The following POMP variants were observed in gnomAD, a reference collection of about 807,000 sequenced individuals.
POMP encodes the protein 2510048O06Rik.
A neutral mutation model predicts 20.6 loss-of-function variants in POMP; 12 were observed. The ratio of observed to expected loss-of-function variants is 0.58; its 90% CI spans 0.37 to 0.94. The LOEUF is 0.94. Ranked by LOEUF, POMP falls within the 40% of genes least tolerant of loss-of-function variation. POMP has a pLI of 0.01. For synonymous variants in POMP, 53 were observed against 55.0 expected (o/e 0.96, Z 0.16); for missense variants, 136 against 161.1 (o/e 0.84, Z 0.84).
At chr13:28,669,558 T>G (rs1366064580) in intron 4 of POMP, among the ~76,000 whole-genome samples, 1 of 152,082 alleles carries the variant, frequency 6.6e-6, no homozygotes, top group Non-Finnish European at 1.5e-5. Flanking sequence ...AAAATTATGA[T>G]TTGTAGAAAC....
intron 4 of POMP, among the ~76,000 whole-genome samples, chr13:28,672,074 G>A (rs543659535): frequency 6.0e-4 from 91 of 152,304 alleles, no homozygotes; most frequent in African/African-American, 2.0e-3. Flanking sequence ...GGTATATGCC[G>A]TAGTTTTCCT....
chr13:28,678,206 C>A lies in POMP; in HGVS notation c.*104C>A. ...TAAAAGTACTGACACCTGAGAATTT[C>A]TGCTCAAGTAGTATCAGTGATCATT... On this transcript the variant is annotated 3_prime_UTR_variant, in exon 6 of 6. Transcript: ENST00000380842. 8.6e-7 allele frequency: 1 copy of A among 1,159,264 alleles called. No homozygotes were observed. Among genetic ancestry groups the A allele is most frequent in the Non-Finnish European group, 1.3e-6 (1 of 773,612 alleles). The allele number at this position is 1,159,264 out of a possible 1,614,324, so 71.8% of individuals were successfully genotyped here. A position where few individuals can be genotyped will look rare whatever the true frequency, so the allele number is the denominator to read the frequency against.
chr13:28,668,533 G>A lies in POMP; in HGVS notation c.223G>A (p.Ala75Thr). ...STLRNIQGLF[A>T]PLKLQMEFKA... ...ACTGAGAAACATTCAGGGTCTATTT[G>A]CTCCGCTAAAATTACAGATGGAATT... The change falls in exon 4 of 6, where the codon GCT becomes ACT. Residue 75 changes from alanine (A) to threonine (T), a missense_variant. Physicochemically the swap from Ala to Thr is moderately conservative, Grantham distance 58 (BLOSUM62 0). Transcript: ENST00000380842. 6.2e-7 allele frequency: 1 copy of A among 1,612,972 alleles called. No homozygotes were observed. Among genetic ancestry groups the A allele is most frequent in the Non-Finnish European group, 8.5e-7 (1 of 1,179,038 alleles).
In POMP at chr13:28,659,179, C is replaced by T. The variant is rs777140811; in HGVS notation, c.-6C>T. 8.8e-6 allele frequency: 14 copies of T among 1,588,408 alleles called. No homozygotes were observed. Among genetic ancestry groups the T allele is most frequent in the South Asian group, 6.9e-5 (6 of 87,446 alleles). ...GGCAGAGAGGCTGTTCGCAGAGCTG[C>T]GGAAGATGGTGAGTGGGTACCCGGG... is the stretch of plus-strand genomic sequence containing the variant. On this transcript the variant is annotated 5_prime_UTR_variant, in exon 1 of 6. Coordinates refer to ENST00000380842, the MANE Select transcript of POMP (RefSeq NM_015932.6).
chr13:28,676,371 A>G (rs1286426199), intron 5 of POMP, among the ~76,000 whole-genome samples: 2 of 152,174 alleles, frequency 1.3e-5, no homozygotes, highest in Non-Finnish European at 2.9e-5. Context: ...TACCTAATCT[A>G]AAGTAATCCC....
chr13:28,663,314 T>G (rs2137790664), intron 2 of POMP, among the ~76,000 whole-genome samples: 1 of 152,288 alleles, frequency 6.6e-6, no homozygotes, highest in Admixed American at 6.5e-5. Context: ...TTTTTGTTTA[T>G]TTATTTATTT....
At chr13:28,660,764 T>C (rs778724500) in intron 1 of POMP, among the ~76,000 whole-genome samples, 4 of 152,184 alleles carry the variant, frequency 2.6e-5, no homozygotes, top group Non-Finnish European at 5.9e-5. Context: ...TGCAGGTTCT[T>C]TAGGTCCAGG....
intron 4 of POMP, among the ~76,000 whole-genome samples, chr13:28,669,900 GT>G (rs1266506051): frequency 1.3e-5 from 2 of 152,048 alleles, no homozygotes; most frequent in Non-Finnish European, 2.9e-5. Context: ...AAGCTCAGGT[GT>G]TCAAGACCAG....
chr13:28,671,449 CT>C (rs58068200), intron 4 of POMP, among the ~76,000 whole-genome samples: 21,592 of 144,712 alleles, frequency 0.15, 5,113 homozygotes, highest in African/African-American at 0.51. Flanking sequence ...AATTCTCTGT[CT>C]TTTTTTTTTT....
At chr13:28,659,522 TTC>T in intron 1 of POMP, among the ~76,000 whole-genome samples, 1 of 152,144 alleles carries the variant, frequency 6.6e-6, no homozygotes, top group Non-Finnish European at 1.5e-5. Flanking sequence ...AAGTGCAACG[TTC>T]TGTGGGGTGG....
intron 4 of POMP, among the ~76,000 whole-genome samples, chr13:28,671,363 T>G (rs1884542094): frequency 6.6e-6 from 1 of 152,162 alleles, no homozygotes; most frequent in Non-Finnish European, 1.5e-5. Flanking sequence ...TTCCTCTTAC[T>G]CAGATTTCAA....
At chr13:28,664,485 G>GTTT in intron 2 of POMP, 24 bp from the exon 3 acceptor site, 4 of 1,257,600 alleles carry the variant, frequency 3.2e-6, no homozygotes, top group Non-Finnish European at 3.3e-6. Flanking sequence ...TCCTCTAAAT[G>GTTT]TTTTTTTTTT....
chr13:28,668,692 T>G (rs1173665428), intron 4 of POMP, 118 bp downstream of exon 4: 1 of 806,146 alleles, frequency 1.2e-6, no homozygotes, highest in African/African-American at 1.7e-5. Context: ...CCCTCCCCCT[T>G]TTTAGGGTAT....
intron 2 of POMP, among the ~76,000 whole-genome samples, chr13:28,662,873 C>A (rs1428477075): frequency 1.3e-5 from 2 of 152,186 alleles, no homozygotes; most frequent in Non-Finnish European, 2.9e-5. Context: ...AGAGATTAAA[C>A]TCTGGATTCA....
At chr13:28,666,807 G>T (rs1324973161) in intron 3 of POMP, among the ~76,000 whole-genome samples, 1 of 152,200 alleles carries the variant, frequency 6.6e-6, no homozygotes, top group African/African-American at 2.4e-5. Context: ...ATTTGTACCA[G>T]TGGTTCTCAA....
intron 2 of POMP, among the ~76,000 whole-genome samples, chr13:28,663,197 G>A (rs1228167459): frequency 6.6e-6 from 1 of 151,930 alleles, no homozygotes. Flanking sequence ...ACTCTTTGCA[G>A]GTCACTTTTC....
At chr13:28,667,394 C>T (rs1192661686) in intron 3 of POMP, among the ~76,000 whole-genome samples, 1 of 152,058 alleles carries the variant, frequency 6.6e-6, no homozygotes, top group African/African-American at 2.4e-5. Context: ...AGACCCGTCT[C>T]TTAGAATAAA....
At chr13:28,661,301 AC>A (rs906510063) in intron 1 of POMP, among the ~76,000 whole-genome samples, 2 of 148,636 alleles carry the variant, frequency 1.3e-5, no homozygotes, top group African/African-American at 4.9e-5. Flanking sequence ...CCTTATCTCC[AC>A]AAAAAATAAA....
Position 28,662,430 on chromosome 13 carries a change from T to G in POMP, c.24T>G (p.Ser8=). The G allele has an allele frequency of 6.2e-7, 1 of 1,613,658 alleles. No individual in the cohort carries two copies. Among genetic ancestry groups the G allele is most frequent in the Non-Finnish European group, 8.5e-7 (1 of 1,179,586 alleles). MNARGLG[S]ELKDSIPVTE... Reference sequence around the variant, plus strand: ...TGTAGAATGCCAGAGGACTTGGATCTGAGCTAAAGGACAGTATTCCAGTTA... The same window carrying G: ...TGTAGAATGCCAGAGGACTTGGATCGGAGCTAAAGGACAGTATTCCAGTTA... The change falls in exon 2 of 6, where the codon TCT becomes TCG. Residue 8 remains serine (S), a synonymous_variant. Transcript: ENST00000380842.
Sources: gnomAD v4.1 joint callset for allele counts (sites outside exome capture counted in the v4.1 genomes callset) on GRCh38, gnomAD v4.1.1 for gene constraint, MANE v1.5 for transcripts, NCBI Gene and HGNC (gene_info 2026-07-23, HGNC 2026-07-21) for gene names.